The following SPATA17 variants were observed in gnomAD, a reference collection of about 807,000 sequenced individuals.
SPATA17 encodes the protein spermatogenesis associated 17.
SPATA17 carries 53 observed loss-of-function variants against 62.2 expected under a neutral mutation model. The observed-to-expected ratio is 0.85, with a 90% confidence interval of 0.68 to 1.07. The LOEUF (loss-of-function observed/expected upper bound fraction) is 1.07, where lower values mean the gene tolerates loss of function less well. SPATA17 is among the 50% of genes least tolerant of loss of function. The pLI is 0.00. For synonymous variants in SPATA17, 146 were observed against 146.8 expected, an observed-to-expected ratio of 0.99 and a Z score of 0.04; for missense variants, 466 against 425.5, an observed-to-expected ratio of 1.10 and a Z score of -0.84.
At chr1:217,729,047 A>G (rs548385687) in intron 5 of SPATA17, among the ~76,000 whole-genome samples, 3 of 152,338 alleles carry the variant, frequency 2.0e-5, no homozygotes, top group African/African-American at 4.8e-5. Flanking sequence ...TATACATTTA[A>G]TAAGGGCATC....
intron 5 of SPATA17, among the ~76,000 whole-genome samples, chr1:217,731,272 A>G (rs919322912): frequency 2.7e-5 from 4 of 150,388 alleles, no homozygotes; most frequent in African/African-American, 9.8e-5. Context: ...GTGATGATTC[A>G]TAACTCCAAG....
chr1:217,674,208 A>C (rs1042578484), intron 4 of SPATA17, among the ~76,000 whole-genome samples: 3 of 152,162 alleles, frequency 2.0e-5, no homozygotes, highest in Admixed American at 1.3e-4. Context: ...GTGAGGAAGC[A>C]AGGATTTAAA....
chr1:217,856,398 A>G (rs894957564), intron 9 of SPATA17, among the ~76,000 whole-genome samples: 2 of 152,216 alleles, frequency 1.3e-5, no homozygotes, highest in East Asian at 3.9e-4. Flanking sequence ...CAAGATCACA[A>G]AGTCCTTAAA....
chr1:217,652,701 T>C (rs1670349896), intron 3 of SPATA17, among the ~76,000 whole-genome samples: 1 of 152,192 alleles, frequency 6.6e-6, no homozygotes, highest in South Asian at 2.1e-4. Context: ...ACAGAATATA[T>C]CCTAGGTGCC....
At chr1:217,843,264 G>T (rs1235268847) in intron 9 of SPATA17, among the ~76,000 whole-genome samples, 1 of 151,964 alleles carries the variant, frequency 6.6e-6, no homozygotes, top group East Asian at 1.9e-4. Context: ...ACTGAGTTTT[G>T]ATATCATGTT....
At chr1:217,782,451 C>T in intron 8 of SPATA17, 129 bp downstream of exon 8, 1 of 993,488 alleles carries the variant, frequency 1.0e-6, no homozygotes, top group Non-Finnish European at 1.4e-6. Context: ...CTGACCTGTT[C>T]CAAAGCAATA....
chr1:217,664,894 T>C (rs944429116), intron 3 of SPATA17, among the ~76,000 whole-genome samples: 13 of 152,006 alleles, frequency 8.6e-5, no homozygotes, highest in African/African-American at 2.9e-4. Context: ...AATAAATGCT[T>C]ATAAGGAAAA....
intron 1 of SPATA17, among the ~76,000 whole-genome samples, chr1:217,635,205 C>T (rs1669908823): frequency 6.6e-6 from 1 of 152,190 alleles, no homozygotes; most frequent in Non-Finnish European, 1.5e-5. Context: ...AGACAGGCTT[C>T]AGTCAATTTA....
intron 3 of SPATA17, among the ~76,000 whole-genome samples, chr1:217,658,981 G>A (rs1322112091): frequency 1.3e-5 from 2 of 151,968 alleles, no homozygotes; most frequent in Admixed American, 6.6e-5. Context: ...GACTCTGGAA[G>A]GATCTCTGGA....
chr1:217,795,010 G>A lies in SPATA17; in HGVS notation c.873-6708G>A, dbSNP rs531872113. On this transcript the variant is annotated intron_variant, in intron 8 of 10. Coordinates refer to ENST00000366933, the MANE Select transcript of SPATA17 (RefSeq NM_138796.4). ...TCTCTTTGATGTTTATTAATACTAC[G>A]CTAACAGTCTCAGTAATAGGCTTGT... Among the ~76,000 whole-genome samples the A allele has an allele frequency of 3.9e-5, 6 of 152,106 alleles. No homozygotes were observed. The South Asian group carries it at 1.0e-3, about 26-fold the overall frequency.
At chr1:217,640,717 A>G (rs748144798) in intron 1 of SPATA17, among the ~76,000 whole-genome samples, 1 of 152,160 alleles carries the variant, frequency 6.6e-6, no homozygotes, top group Non-Finnish European at 1.5e-5. Context: ...GGGAAAATAA[A>G]TAGCAGTTTA....
At chr1:217,724,534 G>A (rs867344186) in intron 5 of SPATA17, among the ~76,000 whole-genome samples, 1 of 152,116 alleles carries the variant, frequency 6.6e-6, no homozygotes, top group East Asian at 1.9e-4. Context: ...GTTGCAGTGA[G>A]CTGAGATTGT....
At chr1:217,857,350 C>A (rs1042484245) in intron 9 of SPATA17, among the ~76,000 whole-genome samples, 3 of 152,170 alleles carry the variant, frequency 2.0e-5, no homozygotes, top group African/African-American at 7.2e-5. Flanking sequence ...ACCTGGGCTG[C>A]ATTCCAGCTC....
intron 6 of SPATA17, among the ~76,000 whole-genome samples, chr1:217,768,493 A>G (rs1474228120): frequency 1.4e-5 from 2 of 144,238 alleles, no homozygotes; most frequent in South Asian, 2.2e-4. Context: ...AGCTCTACCC[A>G]TCTTTTTTTT....
chr1:217,657,826 A>G (rs1316622908), intron 3 of SPATA17, among the ~76,000 whole-genome samples: 3 of 152,192 alleles, frequency 2.0e-5, no homozygotes, highest in East Asian at 3.9e-4. Context: ...TGATAAAAAC[A>G]TACCTGAGAC....
At chr1:217,739,448 A>G (rs1011304021) in intron 5 of SPATA17, 1 of 152,140 alleles carries the variant, frequency 6.6e-6, no homozygotes, top group African/African-American at 2.4e-5. Context: ...AGTAATTAGT[A>G]AAAGCTATGC....
chr1:217,837,190 G>C (rs1196826998), intron 9 of SPATA17, among the ~76,000 whole-genome samples: 1 of 152,112 alleles, frequency 6.6e-6, no homozygotes, highest in Non-Finnish European at 1.5e-5. Context: ...TGTTTCTTGA[G>C]ATTTGGGGAA....
At chr1:217,673,128 G>A (rs2102899374) in intron 4 of SPATA17, among the ~76,000 whole-genome samples, 1 of 152,104 alleles carries the variant, frequency 6.6e-6, no homozygotes. Flanking sequence ...TTGATTATCT[G>A]ACTATACTGT....
At chr1:217,755,855 T>A (rs182464169) in intron 6 of SPATA17, among the ~76,000 whole-genome samples, 11 of 152,234 alleles carry the variant, frequency 7.2e-5, no homozygotes, top group Admixed American at 7.2e-4. Flanking sequence ...TTATTTTACC[T>A]ATTTTTTTGT....
Sources: gnomAD v4.1 joint callset for allele counts (sites outside exome capture counted in the v4.1 genomes callset) on GRCh38, gnomAD v4.1.1 for gene constraint, MANE v1.5 for transcripts, NCBI Gene and HGNC (gene_info 2026-07-23, HGNC 2026-07-21) for gene names.